The following AGTPBP1 variants were observed in gnomAD, a reference collection of about 807,000 sequenced individuals.
The protein encoded by AGTPBP1 is cytosolic carboxypeptidase 1.
A neutral mutation model predicts 143.9 loss-of-function variants in AGTPBP1; 70 were observed. The observed-to-expected ratio is 0.49, with a 90% CI of 0.40 to 0.59. AGTPBP1 has a LOEUF of 0.59. Among genes scored for constraint, AGTPBP1 ranks in the 20% least tolerant of loss-of-function variants. The pLI is 0.00. For synonymous variants in AGTPBP1, 463 were observed against 500.2 expected (o/e 0.93, Z 0.99); for missense variants, 1,229 against 1,464.5 (o/e 0.84, Z 2.62).
the AGTPBP1 span, among the ~76,000 whole-genome samples, chr9:85,801,280 C>G: frequency 2.0e-5 from 3 of 152,156 alleles, no homozygotes; most frequent in Non-Finnish European, 2.9e-5. Flanking sequence ...CCACTGCACT[C>G]TGGCCTGGTT....
At chr9:85,767,248 G>A in the AGTPBP1 span, among the ~76,000 whole-genome samples, 6 of 144,698 alleles carry the variant, frequency 4.1e-5, no homozygotes, top group South Asian at 2.2e-4. Context: ...GCAGTGGTGC[G>A]ATCTCGGCTC....
At chr9:85,635,973 T>C (rs899841903) in intron 13 of AGTPBP1, among the ~76,000 whole-genome samples, 1 of 152,202 alleles carries the variant, frequency 6.6e-6, no homozygotes, top group Non-Finnish European at 1.5e-5. Context: ...TGAATTCATG[T>C]CATTTTGGTG....
At chr9:85,590,095 T>C (rs1049335338) in intron 19 of AGTPBP1, among the ~76,000 whole-genome samples, 4 of 152,094 alleles carry the variant, frequency 2.6e-5, no homozygotes, top group African/African-American at 9.7e-5. Context: ...ACAGCAACAA[T>C]CTAAAATTTG....
At chr9:85,554,590 C>A (rs1826220224) in intron 25 of AGTPBP1, among the ~76,000 whole-genome samples, 1 of 152,132 alleles carries the variant, frequency 6.6e-6, no homozygotes, top group Non-Finnish European at 1.5e-5. Context: ...CTCAGGGGCT[C>A]TCTGGACTCA....
chr9:85,697,545 C>T (rs866538472), intron 2 of AGTPBP1, among the ~76,000 whole-genome samples: 53 of 149,586 alleles, frequency 3.5e-4, no homozygotes, highest in African/African-American at 1.3e-3. Flanking sequence ...CTCCGCCTCC[C>T]GGGTTCACGC....
At chr9:85,792,322 T>G in the AGTPBP1 span, 1 of 152,252 alleles carries the variant, frequency 6.6e-6, no homozygotes, top group East Asian at 1.9e-4. Context: ...TTATAACTAT[T>G]AAAGTCAAAG....
chr9:85,602,492 T>G (rs550504651), intron 17 of AGTPBP1, among the ~76,000 whole-genome samples: 1 of 152,136 alleles, frequency 6.6e-6, no homozygotes, highest in Non-Finnish European at 1.5e-5. Context: ...AAAGCCTACA[T>G]GACATATGGC....
At chr9:85,571,762 T>C (rs952920066) in intron 25 of AGTPBP1, among the ~76,000 whole-genome samples, 1 of 152,246 alleles carries the variant, frequency 6.6e-6, no homozygotes, top group East Asian at 1.9e-4. Flanking sequence ...ATAATCTGAA[T>C]ATAATCATGC....
chr9:85,624,212 G>C (rs149014972), intron 14 of AGTPBP1, among the ~76,000 whole-genome samples: 114 of 152,212 alleles, frequency 7.5e-4, no homozygotes, highest in African/African-American at 2.7e-3. Context: ...GTATCTGCTA[G>C]AAAGAAGATT....
chr9:85,578,941 G>T lies in AGTPBP1; in HGVS notation c.3321C>A (p.Gly1107=). ...RSYTMESTLC[G]CDQGKYKGLQ... ...TTACCTTGTATTTTCCCTGATCACA[G>T]CCACATAAAGTACTCTCCATGGTAT... The change falls in exon 24 of 26, where the codon GGC becomes GGA. Residue 1107 remains glycine (G), a synonymous_variant. Coordinates refer to ENST00000357081, the MANE Select transcript of AGTPBP1 (RefSeq NM_001330701.2). 1 of 1,613,042 alleles carries T rather than the reference G, an allele frequency of 6.2e-7. No individual in the cohort carries two copies. The highest frequency in any genetic ancestry group is 8.5e-7 in the Non-Finnish European group (1 of 1,179,600).
intron 2 of AGTPBP1, among the ~76,000 whole-genome samples, chr9:85,700,032 TACCTACTTCTGTATTCA>T (rs1347432169): frequency 6.6e-6 from 1 of 152,224 alleles, no homozygotes; most frequent in African/African-American, 2.4e-5. Context: ...CAGAGTCTCA[TACCTACTTCTGTATTCA>T]ACCTGTTACA....
intron 1 of AGTPBP1, among the ~76,000 whole-genome samples, chr9:85,736,490 G>A (rs1011407076): frequency 1.3e-5 from 2 of 152,064 alleles, no homozygotes; most frequent in Admixed American, 6.6e-5. Context: ...ATCCTATAGT[G>A]CTAGAGAACA....
chr9:85,676,804 T>A (rs1464620858), intron 6 of AGTPBP1, among the ~76,000 whole-genome samples: 2 of 152,176 alleles, frequency 1.3e-5, no homozygotes, highest in East Asian at 3.9e-4. Flanking sequence ...CATCAGTGAA[T>A]GAATATATAA....
chr9:85,672,597 C>A lies in AGTPBP1; in HGVS notation c.521G>T (p.Arg174Leu). 6.2e-7 allele frequency: 1 copy of A among 1,613,456 alleles called. No homozygotes were observed. Among genetic ancestry groups the A allele is most frequent in the South Asian group, 1.1e-5 (1 of 91,058 alleles). The change falls in exon 7 of 26, where the codon CGC becomes CTC. Residue 174 changes from arginine (R) to leucine (L), a missense_variant. Coordinates refer to ENST00000357081, the MANE Select transcript of AGTPBP1 (RefSeq NM_001330701.2). ...NLVKQNLQNH[R>L]LVLPCLQLLR... is the part of the protein sequence containing the mutation. ...AAGCTGAAGGCAAGGTAGAACCAAG[C>A]GATGATTCTGCAAATTCTGCTTGAC...
chr9:85,670,519 C>A (rs2134061340), intron 7 of AGTPBP1, among the ~76,000 whole-genome samples: 1 of 152,186 alleles, frequency 6.6e-6, no homozygotes, highest in Non-Finnish European at 1.5e-5. Context: ...CAAATAATTA[C>A]CTAACCAGAA....
intron 1 of AGTPBP1, among the ~76,000 whole-genome samples, chr9:85,718,315 T>C (rs1473448586): frequency 6.6e-6 from 1 of 152,172 alleles, no homozygotes; most frequent in African/African-American, 2.4e-5. Context: ...TTTCTCCACA[T>C]CCTCTCCAGT....
At chr9:85,804,007 C>T in the AGTPBP1 span, among the ~76,000 whole-genome samples, 1 of 152,076 alleles carries the variant, frequency 6.6e-6, no homozygotes, top group Non-Finnish European at 1.5e-5. Flanking sequence ...CTTTAAATTC[C>T]CCTGGCTGTC....
intron 11 of AGTPBP1, among the ~76,000 whole-genome samples, chr9:85,652,249 G>A (rs1258960223): frequency 6.6e-6 from 1 of 152,106 alleles, no homozygotes; most frequent in Non-Finnish European, 1.5e-5. Flanking sequence ...AGTGGCTCAC[G>A]CCTGTAATCC....
upstream of AGTPBP1, chr9:85,742,059 A>C (rs1588019949): frequency 8.6e-7 from 1 of 1,167,454 alleles, no homozygotes; most frequent in East Asian, 3.9e-5. Context: ...CGAGGCCGCG[A>C]AAGGGGCGGG....
Sources: allele counts gnomAD v4.1 joint callset (sites outside exome capture counted in the v4.1 genomes callset), GRCh38; gene constraint gnomAD v4.1.1; transcripts MANE v1.5; gene names NCBI Gene and HGNC (gene_info 2026-07-23, HGNC 2026-07-21).